The following PAPPA2 variants were observed in gnomAD, a reference collection of about 807,000 sequenced individuals.
The protein encoded by PAPPA2 is pappalysin-2.
PAPPA2 carries 86 observed loss-of-function variants against 176.4 expected under a neutral mutation model. That is an observed-to-expected ratio of 0.49 (90% CI 0.41 to 0.58). The LOEUF is 0.58. Ranked by LOEUF, PAPPA2 falls within the 20% of genes least tolerant of loss-of-function variation. The pLI is 0.00. For synonymous variants in PAPPA2, 809 were observed against 852.2 expected (o/e 0.95, Z 0.88); for missense variants, 2,073 against 2,256.9 (o/e 0.92, Z 1.65).
At chr1:176,559,911 G>A (rs1651559952) in intron 2 of PAPPA2, among the ~76,000 whole-genome samples, 1 of 152,158 alleles carries the variant, frequency 6.6e-6, no homozygotes, top group African/African-American at 2.4e-5. Context: ...GAGACTTCAA[G>A]CAATGCAGCC....
At chr1:176,821,923 C>CACT (rs1189459774) in intron 21 of PAPPA2, among the ~76,000 whole-genome samples, 1 of 152,236 alleles carries the variant, frequency 6.6e-6, no homozygotes, top group African/African-American at 2.4e-5. Context: ...TATGCCAAGA[C>CACT]ACTCCAACAG....
intron 14 of PAPPA2, among the ~76,000 whole-genome samples, chr1:176,750,560 G>A (rs769435430): frequency 5.3e-5 from 8 of 151,940 alleles, no homozygotes; most frequent in Non-Finnish European, 7.4e-5. Context: ...AACCGAGATC[G>A]CACCACTGCA....
chr1:176,689,998 G>T, intron 4 of PAPPA2, 139 bp from the exon 5 acceptor site: 1 of 749,642 alleles, frequency 1.3e-6, no homozygotes. Context: ...GAAAAGCAAT[G>T]ACTGTATGTT....
At chr1:176,714,104 A>G (rs1471419159) in intron 12 of PAPPA2, among the ~76,000 whole-genome samples, 1 of 152,162 alleles carries the variant, frequency 6.6e-6, no homozygotes, top group Non-Finnish European at 1.5e-5. Context: ...AAGCTTGGCT[A>G]TTAATACTAT....
intron 14 of PAPPA2, among the ~76,000 whole-genome samples, chr1:176,747,018 C>T (rs896433079): frequency 6.6e-6 from 1 of 152,088 alleles, no homozygotes; most frequent in Admixed American, 6.5e-5. Flanking sequence ...GACTCAAGGG[C>T]ACAAATTTAC....
intron 14 of PAPPA2, among the ~76,000 whole-genome samples, chr1:176,758,233 C>G (rs1368427368): frequency 1.3e-5 from 2 of 152,172 alleles, no homozygotes; most frequent in Non-Finnish European, 2.9e-5. Flanking sequence ...TAGTAGGGTT[C>G]TCAACACCTC....
At chr1:176,538,180 G>C (rs1650172540) in intron 1 of PAPPA2, among the ~76,000 whole-genome samples, 1 of 152,044 alleles carries the variant, frequency 6.6e-6, no homozygotes, top group South Asian at 2.1e-4. Flanking sequence ...CAAGTGTCAG[G>C]ATTACCTCTT....
At chr1:176,501,148 T>C (rs1431393693) in intron 1 of PAPPA2, among the ~76,000 whole-genome samples, 1 of 150,970 alleles carries the variant, frequency 6.6e-6, no homozygotes, top group East Asian at 1.9e-4. Context: ...AAACCACTGG[T>C]AAGACTGACT....
At chr1:176,757,984 G>GGACA (rs1663508843) in intron 14 of PAPPA2, among the ~76,000 whole-genome samples, 1 of 152,088 alleles carries the variant, frequency 6.6e-6, no homozygotes, top group South Asian at 2.1e-4. Flanking sequence ...AGGAAGAGAT[G>GGACA]GACACATCCT....
intron 3 of PAPPA2, among the ~76,000 whole-genome samples, chr1:176,638,934 A>ATGTGCG (rs1656891884): frequency 8.6e-6 from 1 of 115,764 alleles, no homozygotes. Flanking sequence ...GTGCATGTGC[A>ATGTGCG]TGTGCGTGTG....
chr1:176,779,511 CACACACACAG>C (rs139223664), intron 17 of PAPPA2, among the ~76,000 whole-genome samples: 14,746 of 146,906 alleles, frequency 0.1, 903 homozygotes, highest in Middle Eastern at 0.17. Flanking sequence ...CACACACACA[CACACACACAG>C]AGAGAGAGAG....
At chr1:176,822,098 A>C (rs188041123) in intron 21 of PAPPA2, among the ~76,000 whole-genome samples, 60 of 152,330 alleles carry the variant, frequency 3.9e-4, no homozygotes, top group Non-Finnish European at 7.3e-5. Context: ...AACTACAATA[A>C]ACATTCCCTT....
chr1:176,664,149 A>G (rs932386509), intron 3 of PAPPA2, among the ~76,000 whole-genome samples: 1 of 152,184 alleles, frequency 6.6e-6, no homozygotes, highest in Non-Finnish European at 1.5e-5. Context: ...GAGATGTATT[A>G]GTTTTTGATT....
At chr1:176,533,459 A>G (rs1420432420) in intron 1 of PAPPA2, among the ~76,000 whole-genome samples, 2 of 152,268 alleles carry the variant, frequency 1.3e-5, no homozygotes, top group African/African-American at 2.4e-5. Flanking sequence ...CTGCTGAGAT[A>G]CTAAGATAAG....
chr1:176,478,707 C>T (rs932591584), intron 1 of PAPPA2, among the ~76,000 whole-genome samples: 3 of 152,226 alleles, frequency 2.0e-5, no homozygotes, highest in Non-Finnish European at 2.9e-5. Flanking sequence ...GCCAGGGAGA[C>T]TGGCCAGTCC....
rs541596992 is a variant in PAPPA2, at chr1:176,602,453, G to A, written c.1991+6858G>A. On this transcript the variant is annotated intron_variant, in intron 3 of 22. Coordinates refer to ENST00000367662, the MANE Select transcript of PAPPA2 (RefSeq NM_020318.3). ...AAAGGGAACAGGTGAAGAAGTTGAT[G>A]CTGCACAGACCTGGATGCTTTGGAT... is the stretch of plus-strand genomic sequence containing the variant. Among the ~76,000 whole-genome samples, 4 of 152,308 alleles carry A rather than the reference G, an allele frequency of 2.6e-5. No homozygotes were observed. In the South Asian group the frequency reaches 8.3e-4, roughly 32 times the overall value.
intron 1 of PAPPA2, among the ~76,000 whole-genome samples, chr1:176,478,713 A>C (rs1225673480): frequency 6.6e-6 from 1 of 152,238 alleles, no homozygotes; most frequent in Non-Finnish European, 1.5e-5. Context: ...GAGACTGGCC[A>C]GTCCTCTCCT....
At position 176,475,171 on chromosome 1, in the gene PAPPA2, C is replaced by T. The variant is rs576409075; in HGVS notation, c.-917+11753C>T. ...ATGCTGTAAAACTGTTCCTGGGGTA[C>T]GTGGCTCATCTAAAACAAGTGCAAT... is the stretch of plus-strand genomic sequence containing the variant. On this transcript the variant is annotated intron_variant, in intron 1 of 22. Coordinates refer to ENST00000367662, the MANE Select transcript of PAPPA2 (RefSeq NM_020318.3). Among the ~76,000 whole-genome samples the T allele has an allele frequency of 2.0e-4, 30 of 152,192 alleles. No individual in the cohort carries two copies. In the South Asian group the frequency reaches 4.2e-3, roughly 21 times the overall value.
chr1:176,695,806 C>T lies in PAPPA2; in HGVS notation c.2693C>T (p.Ser898Phe), dbSNP rs774404898. Residue 898 changes from serine to phenylalanine, a missense_variant, in exon 7 of 23, where the codon TCC (serine) becomes TTC (phenylalanine). Ser to Phe is a radical substitution (Grantham distance 155, BLOSUM62 -2). This residue lies in a region of PAPPA2 where 1,196 missense variants were observed against 1,330.4 expected (regional missense o/e 0.90). Transcript: ENST00000367662. ...TTTCGTCAGTATGTGCACACAGCTTCCTCCCGGCGGGTGTGTGACTCCTCA... is the reference window on the plus strand; with the variant it reads ...TTTCGTCAGTATGTGCACACAGCTTTCTCCCGGCGGGTGTGTGACTCCTCA... The part of the protein sequence containing the change: ...GTFRQYVHTA[S>F]SRRVCDSSGY... The T allele has an allele frequency of 7.4e-6, 12 of 1,614,092 alleles. No individual in the cohort carries two copies. The East Asian group carries it at 2.5e-4, about 33-fold the overall frequency.
Sources: gnomAD v4.1 joint callset for allele counts (sites outside exome capture counted in the v4.1 genomes callset) on GRCh38, gnomAD v4.1.1 for gene constraint, gnomAD v4.1.1 regional missense constraint, MANE v1.5 for transcripts, NCBI Gene and HGNC (gene_info 2026-07-23, HGNC 2026-07-21) for gene names.